EIF2B3: variants seen among roughly 807,000 people sequenced by gnomAD.
EIF2B3 encodes the protein translation initiation factor eIF2B subunit gamma.
EIF2B3 carries 20 observed loss-of-function variants against 54.1 expected under a neutral mutation model. The observed-to-expected ratio is 0.37, with a 90% CI of 0.26 to 0.54. The LOEUF (loss-of-function observed/expected upper bound fraction) is 0.54, where lower values mean the gene tolerates loss of function less well. EIF2B3 is among the 20% of genes least tolerant of loss of function. The pLI, the probability that EIF2B3 is intolerant of heterozygous loss-of-function variation, is 0.86. For synonymous variants in EIF2B3, 153 were observed against 188.1 expected (o/e 0.81, Z 1.52); for missense variants, 448 against 547.8 (o/e 0.82, Z 1.82).
chr1:44,938,128 A>G (rs554866569), intron 4 of EIF2B3, among the ~76,000 whole-genome samples: 1 of 152,182 alleles, frequency 6.6e-6, no homozygotes, highest in East Asian at 1.9e-4. Context: ...CTAGACTATT[A>G]AACAATATCT....
intron 11 of EIF2B3, among the ~76,000 whole-genome samples, chr1:44,852,917 A>G (rs1293594201): frequency 6.6e-6 from 1 of 152,168 alleles, no homozygotes; most frequent in Non-Finnish European, 1.5e-5. Context: ...AAGATAGGAT[A>G]TGGTCATATA....
In EIF2B3 at chr1:44,955,423, C is replaced by T. The variant is rs189643336; in HGVS notation, c.295-13758G>A. On this transcript the variant is annotated intron_variant, in intron 3 of 11. Coordinates refer to ENST00000360403, the MANE Select transcript of EIF2B3 (RefSeq NM_020365.5). Reference sequence around the variant, plus strand: ...AAACCATAAAAACCCTAGAAGAAAACCTAGGCAATACCATTCAGGAGATAG... The same window carrying T: ...AAACCATAAAAACCCTAGAAGAAAATCTAGGCAATACCATTCAGGAGATAG... 1.1e-3 allele frequency among the ~76,000 whole-genome samples: 172 copies of T among 152,162 alleles called. 1 individual carries two copies. The highest frequency in any genetic ancestry group is 4.0e-3 in the African/African-American group (166 of 41,538).
chr1:44,927,584 A>T (rs899570317), intron 4 of EIF2B3, among the ~76,000 whole-genome samples: 16 of 152,224 alleles, frequency 1.1e-4, no homozygotes, highest in Non-Finnish European at 2.1e-4. Flanking sequence ...CCTATAGCAC[A>T]TGCCATGGTG....
intron 2 of EIF2B3, 101 bp downstream of exon 2, chr1:44,980,920 A>T (rs1226223312): frequency 6.9e-6 from 10 of 1,446,202 alleles, no homozygotes; most frequent in Non-Finnish European, 9.7e-6. Context: ...TCAGCCAACG[A>T]GTTCTAGTCA....
At chr1:44,930,458 C>T (rs1000757787) in intron 4 of EIF2B3, among the ~76,000 whole-genome samples, 6 of 152,160 alleles carry the variant, frequency 3.9e-5, no homozygotes, top group African/African-American at 1.2e-4. Flanking sequence ...ACTAACAGAG[C>T]GCAGCAGCTG....
chr1:44,872,542 T>C (rs1405756168), intron 10 of EIF2B3, among the ~76,000 whole-genome samples: 2 of 152,028 alleles, frequency 1.3e-5, no homozygotes, highest in Non-Finnish European at 2.9e-5. Flanking sequence ...CCTAGCTACC[T>C]GAGAAGCTGA....
intron 10 of EIF2B3, among the ~76,000 whole-genome samples, chr1:44,866,594 A>G (rs1447828317): frequency 6.6e-6 from 1 of 151,206 alleles, no homozygotes; most frequent in Non-Finnish European, 1.5e-5. Flanking sequence ...TCGCTCTGTC[A>G]TCCAGTCCGG....
rs181225498 is a variant in EIF2B3 at position 44,929,290 on chromosome 1, A to C, written c.455-2551T>G. Among the ~76,000 whole-genome samples the C allele has an allele frequency of 2.8e-4, 43 of 152,326 alleles. 1 individual carries two copies. The highest frequency in any genetic ancestry group is 1.5e-5 in the Non-Finnish European group (1 of 68,026). On this transcript the variant is annotated intron_variant, in intron 4 of 11. Transcript: ENST00000360403. ...ACTGACAGACAATGGCTGCTAAATA[A>C]CAGAATATGTTTCGCTGTTGGCTAA...
intron 1 of EIF2B3, among the ~76,000 whole-genome samples, chr1:44,984,183 A>T (rs138051766): frequency 0.011 from 1,614 of 152,062 alleles, 31 homozygotes; most frequent in African/African-American, 0.037. Flanking sequence ...CCGTCTCAAA[A>T]AAAATAAAAT....
At chr1:44,919,275 A>T (rs1643688796) in intron 5 of EIF2B3, among the ~76,000 whole-genome samples, 1 of 151,682 alleles carries the variant, frequency 6.6e-6, no homozygotes, top group African/African-American at 2.4e-5. Context: ...ACTTGAACCC[A>T]GGAGGTGGAG....
chr1:44,953,425 T>C (rs1365764056), intron 3 of EIF2B3, among the ~76,000 whole-genome samples: 1 of 152,188 alleles, frequency 6.6e-6, no homozygotes, highest in East Asian at 1.9e-4. Context: ...CTTTTGTCCC[T>C]ACCACTCCAG....
intron 3 of EIF2B3, chr1:44,958,590 T>C: frequency 6.9e-7 from 1 of 1,455,692 alleles, no homozygotes; most frequent in Non-Finnish European, 9.6e-7. Flanking sequence ...ACTTTGTAAT[T>C]ATCAAAAGTG....
At chr1:44,851,094 C>T (rs973675479) in intron 11 of EIF2B3, 91 bp from the exon 12 acceptor site, 22 of 1,309,954 alleles carry the variant, frequency 1.7e-5, no homozygotes, top group Non-Finnish European at 2.0e-5. Context: ...GACCGAGTTT[C>T]GCTCTTGTCA....
chr1:44,905,663 T>C (rs567916908), intron 5 of EIF2B3, among the ~76,000 whole-genome samples: 1 of 152,294 alleles, frequency 6.6e-6, no homozygotes, highest in African/African-American at 2.4e-5. Context: ...TAAAGGCCTA[T>C]CAACTAATTG....
intron 3 of EIF2B3, among the ~76,000 whole-genome samples, chr1:44,975,371 T>C (rs1486445028): frequency 6.6e-6 from 1 of 152,138 alleles, no homozygotes; most frequent in African/African-American, 2.4e-5. Context: ...GGTGATTTCG[T>C]TGTGCGAACA....
chr1:44,943,117 A>G (rs1251729848), intron 3 of EIF2B3, among the ~76,000 whole-genome samples: 6 of 151,752 alleles, frequency 4.0e-5, no homozygotes. Flanking sequence ...TTGGCCTCCC[A>G]AAGTGCTGGG....
At chr1:44,942,377 TTATATATATA>T (rs1170326455) in intron 3 of EIF2B3, among the ~76,000 whole-genome samples, 1,618 of 21,614 alleles carry the variant, frequency 0.075, 203 homozygotes, top group Non-Finnish European at 0.095. Flanking sequence ...CTTTCTGATT[TTATATATATA>T]TATATATATA....
chr1:44,853,038 G>A (rs1654323771), intron 11 of EIF2B3, among the ~76,000 whole-genome samples: 1 of 152,154 alleles, frequency 6.6e-6, no homozygotes. Flanking sequence ...TGTCCAAGAT[G>A]TTATGGACAA....
chr1:44,967,759 A>G (rs1644358601), intron 3 of EIF2B3, among the ~76,000 whole-genome samples: 1 of 140,436 alleles, frequency 7.1e-6, no homozygotes, highest in Non-Finnish European at 1.5e-5. Flanking sequence ...AAAAAAAAAA[A>G]GGCCAGGCAC....
Sources: allele counts gnomAD v4.1 joint callset (sites outside exome capture counted in the v4.1 genomes callset), GRCh38; gene constraint gnomAD v4.1.1; transcripts MANE v1.5; gene names NCBI Gene and HGNC (gene_info 2026-07-23, HGNC 2026-07-21).